Variants in GFRA1 observed in about 807,000 individuals in gnomAD.
GFRA1 encodes GDNF family receptor alpha 1, also known as GDNF family receptor alpha-1.
GFRA1 carries 16 observed loss-of-function variants against 51.6 expected under a neutral mutation model. The ratio of observed to expected loss-of-function variants is 0.31; its 90% CI spans 0.21 to 0.47. The LOEUF is 0.47. Ranked by LOEUF, GFRA1 falls within the 20% of genes least tolerant of loss-of-function variation. The pLI is 1.00. For missense variants in GFRA1, 530 were observed against 594.3 expected, an observed-to-expected ratio of 0.89 and a Z score of 1.13; for synonymous variants, 270 against 241.3, an observed-to-expected ratio of 1.12 and a Z score of -1.10.
intron 5 of GFRA1, among the ~76,000 whole-genome samples, chr10:116,147,082 G>A (rs559946420): frequency 1.3e-5 from 2 of 152,134 alleles, no homozygotes; most frequent in African/African-American, 4.8e-5. Flanking sequence ...ATGTCAAAAT[G>A]TTAACAATTT....
chr10:116,222,904 C>T (rs1175091485), intron 4 of GFRA1, among the ~76,000 whole-genome samples: 1 of 151,946 alleles, frequency 6.6e-6, no homozygotes, highest in Non-Finnish European at 1.5e-5. Flanking sequence ...ATAATACAAA[C>T]TAAAAACAAT....
intron 4 of GFRA1, among the ~76,000 whole-genome samples, chr10:116,253,991 A>G (rs1008902803): frequency 1.3e-4 from 20 of 152,176 alleles, no homozygotes; most frequent in Middle Eastern, 3.4e-3. Context: ...ACGCATACTC[A>G]AGGCTAACAC....
intron 9 of GFRA1, among the ~76,000 whole-genome samples, chr10:116,087,006 C>G (rs1956128688): frequency 6.6e-6 from 1 of 152,124 alleles, no homozygotes; most frequent in Non-Finnish European, 1.5e-5. Context: ...TTAGTAGAGA[C>G]AGGATTTTAC....
At chr10:116,082,208 C>A (rs1955880498) in intron 9 of GFRA1, among the ~76,000 whole-genome samples, 1 of 152,150 alleles carries the variant, frequency 6.6e-6, no homozygotes, top group African/African-American at 2.4e-5. Context: ...GGACCAAGAT[C>A]TGACCAGAGT....
In GFRA1 at chr10:116,163,452, G is replaced by A. The variant is rs539941723; in HGVS notation, c.434-37895C>T. Among the ~76,000 whole-genome samples, 12 of 152,300 alleles carry A rather than the reference G, an allele frequency of 7.9e-5. No homozygotes were observed. The South Asian group carries it at 1.7e-3, about 21-fold the overall frequency. On this transcript the variant is annotated intron_variant, in intron 5 of 10. Coordinates refer to ENST00000355422, the MANE Select transcript of GFRA1 (RefSeq NM_005264.8). ...ACAGACTCAGATTTCCAGCATCACC[G>A]TGGTGCCTTCAAGGCCCATTTCTTC...
chr10:116,189,211 A>T (rs1963028162), intron 5 of GFRA1, among the ~76,000 whole-genome samples: 2 of 152,072 alleles, frequency 1.3e-5, no homozygotes, highest in Admixed American at 6.5e-5. Context: ...GGTGGGATAC[A>T]CCTTCTTCCC....
chr10:116,122,130 G>A (rs1240184397), intron 6 of GFRA1, among the ~76,000 whole-genome samples: 1 of 152,154 alleles, frequency 6.6e-6, no homozygotes, highest in Non-Finnish European at 1.5e-5. Flanking sequence ...TCAAGACAGT[G>A]TATAAAACCC....
chr10:116,118,883 G>A (rs1957534749), intron 6 of GFRA1, among the ~76,000 whole-genome samples: 1 of 152,174 alleles, frequency 6.6e-6, no homozygotes, highest in Non-Finnish European at 1.5e-5. Flanking sequence ...GCAGGGAGGG[G>A]ACCAGCTGGA....
chr10:116,077,730 A>C (rs1482057447), intron 9 of GFRA1, among the ~76,000 whole-genome samples: 4 of 152,228 alleles, frequency 2.6e-5, no homozygotes, highest in Admixed American at 1.3e-4. Flanking sequence ...TTTTTGAATT[A>C]AGTTTGCAGA....
chr10:116,096,875 GCACACGCA>G (rs370229494), intron 6 of GFRA1, 111 bp from the exon 7 acceptor site: 26,101 of 340,222 alleles, frequency 0.077, 164 homozygotes, highest in African/African-American at 0.17. Flanking sequence ...TTCTGCACAC[GCACACGCA>G]CACACACACA....
intron 5 of GFRA1, among the ~76,000 whole-genome samples, chr10:116,136,666 G>A (rs541265348): frequency 5.9e-5 from 9 of 152,292 alleles, no homozygotes; most frequent in South Asian, 2.1e-4. Context: ...TGTGTGTGCT[G>A]TGCTGAGTAG....
Position 116,061,768 on chromosome 10 carries a change from G to A in GFRA1, c.*2630C>T, listed in dbSNP as rs1049303924. 9 of 382,550 alleles carry A rather than the reference G, an allele frequency of 2.4e-5. No individual in the cohort carries two copies. The highest frequency in any genetic ancestry group is 1.2e-4 in the African/African-American group (6 of 48,406). The allele number at this position is 382,550 out of a possible 1,614,324, so 23.7% of individuals were successfully genotyped here. A position where few individuals can be genotyped will look rare whatever the true frequency, so the allele number is the denominator to read the frequency against. On this transcript the variant is annotated 3_prime_UTR_variant, in exon 11 of 11. Coordinates refer to ENST00000355422, the MANE Select transcript of GFRA1 (RefSeq NM_005264.8). ...GCGAATCATTTTTGCTTTTAAGCACGCCAAGAAGAAGTGAGACAGGTAAAT... is the reference window on the plus strand; with the variant it reads ...GCGAATCATTTTTGCTTTTAAGCACACCAAGAAGAAGTGAGACAGGTAAAT...
chr10:116,124,400 T>C (rs1456501399), intron 6 of GFRA1, among the ~76,000 whole-genome samples: 2 of 151,716 alleles, frequency 1.3e-5, no homozygotes, highest in Non-Finnish European at 2.9e-5. Context: ...CGGCTAATTT[T>C]TTGTATTTTT....
chr10:116,257,718 G>A (rs1007030343), intron 4 of GFRA1, among the ~76,000 whole-genome samples: 1 of 152,162 alleles, frequency 6.6e-6, no homozygotes, highest in Admixed American at 6.5e-5. Flanking sequence ...CTACCATGTT[G>A]ACCTACTAAA....
intron 5 of GFRA1, among the ~76,000 whole-genome samples, chr10:116,160,769 C>T (rs1041463091): frequency 2.6e-5 from 4 of 152,198 alleles, no homozygotes; most frequent in Admixed American, 2.6e-4. Context: ...TGGCAGGGAC[C>T]ACCAGGCACA....
At chr10:116,133,093 A>G (rs1483263888) in intron 5 of GFRA1, among the ~76,000 whole-genome samples, 1 of 150,234 alleles carries the variant, frequency 6.7e-6, no homozygotes, top group Non-Finnish European at 1.5e-5. Context: ...AATGTCTGGG[A>G]CGCTGTCTGA....
intron 4 of GFRA1, among the ~76,000 whole-genome samples, chr10:116,215,708 G>A (rs1180385589): frequency 1.3e-5 from 2 of 152,146 alleles, no homozygotes; most frequent in Non-Finnish European, 2.9e-5. Context: ...AATTGCCAGT[G>A]GCCGCTCTAG....
chr10:116,253,295 A>C (rs1249928667), intron 4 of GFRA1, among the ~76,000 whole-genome samples: 1 of 152,258 alleles, frequency 6.6e-6, no homozygotes, highest in African/African-American at 2.4e-5. Context: ...CCAGTCAGCC[A>C]GGGCAGGCAC....
intron 6 of GFRA1, among the ~76,000 whole-genome samples, chr10:116,122,485 T>A (rs3843600): frequency 6.6e-6 from 1 of 152,002 alleles, no homozygotes; most frequent in African/African-American, 2.4e-5. Context: ...ACCTAAACCA[T>A]CCTGTTATCT....
Sources: allele counts gnomAD v4.1 joint callset (sites outside exome capture counted in the v4.1 genomes callset), GRCh38; gene constraint gnomAD v4.1.1; transcripts MANE v1.5; gene names NCBI Gene and HGNC (gene_info 2026-07-23, HGNC 2026-07-21).